Variants in EML6 observed in about 807,000 individuals in gnomAD.
EML6 encodes the protein EMAP like 6.
A neutral mutation model predicts 240.1 loss-of-function variants in EML6; 154 were observed. The ratio of observed to expected loss-of-function variants is 0.64; its 90% CI spans 0.56 to 0.73. EML6 has a LOEUF of 0.73. EML6 is among the 30% of genes least tolerant of loss of function. The probability of loss-of-function intolerance (pLI) is 0.00; values close to 1 mark genes in which losing one functional copy is unlikely to be tolerated. For synonymous variants in EML6, 1,148 were observed against 899.0 expected, an observed-to-expected ratio of 1.28 and a Z score of -4.95; for missense variants, 2,964 against 2,474.6, an observed-to-expected ratio of 1.20 and a Z score of -4.20.
chr2:54,805,939 G>A (rs769500628), intron 2 of EML6, among the ~76,000 whole-genome samples: 1 of 152,030 alleles, frequency 6.6e-6, no homozygotes, highest in Non-Finnish European at 1.5e-5. Context: ...TAACACTTTT[G>A]CTGGAAATGA....
At position 54,964,102 on chromosome 2, in the gene EML6, C is replaced by G. The variant is rs1265367792; in HGVS notation, c.5274C>G (p.Asn1758Lys). The change falls in exon 37 of 42, where the codon AAC becomes AAG. Residue 1758 changes from asparagine (N) to lysine (K), a missense_variant. Coordinates refer to ENST00000356458, the MANE Select transcript of EML6 (RefSeq NM_001039753.4). ...KNGEFVILLV[N>K]SLKVWGKKRD... ...GAGAGTTTGTCATCTTGTTGGTGAA[C>G]AGCCTGAAAGTTTGGGGGAAAAAAC... 2 of 1,551,738 alleles carry G rather than the reference C, an allele frequency of 1.3e-6. No homozygotes were observed. The highest frequency in any genetic ancestry group is 2.7e-5 in the African/African-American group (2 of 73,184).
chr2:54,883,789 T>G (rs1436826098), intron 17 of EML6, among the ~76,000 whole-genome samples: 1 of 152,194 alleles, frequency 6.6e-6, no homozygotes, highest in African/African-American at 2.4e-5. Context: ...CAAGTGTGTA[T>G]AAGAAAAATG....
At chr2:54,816,932 G>C (rs1174238995) in intron 4 of EML6, 47 bp downstream of exon 4, 2 of 1,188,548 alleles carry the variant, frequency 1.7e-6, no homozygotes, top group Non-Finnish European at 1.2e-6. Flanking sequence ...AACTTGGGGG[G>C]ACTTGTGATA....
chr2:54,906,167 C>T (rs1417204899), intron 24 of EML6, among the ~76,000 whole-genome samples: 3 of 152,224 alleles, frequency 2.0e-5, no homozygotes, highest in East Asian at 1.9e-4. Context: ...GTTCAAATCT[C>T]TCCACATCTT....
At chr2:54,912,973 A>G (rs1673720002) in intron 25 of EML6, among the ~76,000 whole-genome samples, 1 of 152,056 alleles carries the variant, frequency 6.6e-6, no homozygotes, top group South Asian at 2.1e-4. Flanking sequence ...AAGTTCTTTG[A>G]GAAATCTCCA....
rs1670997349 is a variant in EML6 at position 54,866,865 on chromosome 2, A to G, written c.2032A>G (p.Lys678Glu). 1 of 1,550,388 alleles carries G rather than the reference A, an allele frequency of 6.4e-7. No individual in the cohort carries two copies. The highest frequency in any genetic ancestry group is 1.4e-5 in the African/African-American group (1 of 73,140). ...KREKAPEDSL[K>E]LQFIHGYRGY... ...AGAAAAGGCTCCTGAGGACAGCTTG[A>G]AACTCCAGTTCATACACGGGTGGGT... The change falls in exon 14 of 42, where the codon AAA becomes GAA. Residue 678 changes from lysine to glutamate, a missense_variant. Transcript: ENST00000356458.
intron 26 of EML6, among the ~76,000 whole-genome samples, chr2:54,925,516 G>A (rs977569422): frequency 3.9e-5 from 6 of 152,252 alleles, no homozygotes; most frequent in Admixed American, 1.3e-4. Context: ...CTAAAATCAC[G>A]TCACTATCTT....
chr2:54,850,036 C>T lies in EML6; in HGVS notation c.1262C>T (p.Ser421Phe). The T allele has an allele frequency of 6.4e-7, 1 of 1,551,852 alleles. No homozygotes were observed. The highest frequency in any genetic ancestry group is 8.7e-7 in the Non-Finnish European group (1 of 1,146,966). The change falls in exon 10 of 42, where the codon TCT becomes TTT. Residue 421 changes from serine to phenylalanine, a missense_variant. Physicochemically the swap from Ser to Phe is radical, Grantham distance 155. Coordinates refer to ENST00000356458, the MANE Select transcript of EML6 (RefSeq NM_001039753.4). Reference protein sequence around the residue: ...IHEMKFSPDGSYLAVGSNDGP... With the variant: ...IHEMKFSPDGFYLAVGSNDGP... ...GAAATGAAATTTTCTCCAGATGGTT[C>T]TTACCTTGCAGTGGGATCCAATGAT...
At chr2:54,750,574 A>G (rs150903591) in intron 2 of EML6, among the ~76,000 whole-genome samples, 230 of 152,316 alleles carry the variant, frequency 1.5e-3, no homozygotes, top group African/African-American at 5.3e-3. Context: ...GTAGTATCTT[A>G]GACTCTCCCT....
intron 17 of EML6, among the ~76,000 whole-genome samples, chr2:54,883,626 C>T (rs548835976): frequency 6.6e-6 from 1 of 152,136 alleles, no homozygotes; most frequent in Non-Finnish European, 1.5e-5. Context: ...GAGGAATCAT[C>T]CAGTGTTAGG....
chr2:54,930,523 T>A (rs755894449), intron 28 of EML6, among the ~76,000 whole-genome samples: 1 of 152,174 alleles, frequency 6.6e-6, no homozygotes, highest in Non-Finnish European at 1.5e-5. Flanking sequence ...TGACTCTTTT[T>A]TTTTTTATCA....
At chr2:54,785,159 CCA>C (rs1418343246) in intron 2 of EML6, among the ~76,000 whole-genome samples, 1 of 147,792 alleles carries the variant, frequency 6.8e-6, no homozygotes, top group African/African-American at 2.5e-5. Flanking sequence ...TTCCACCCCC[CCA>C]CACACACACT....
chr2:54,759,700 A>T (rs1374239181), intron 2 of EML6, among the ~76,000 whole-genome samples: 1 of 152,104 alleles, frequency 6.6e-6, no homozygotes, highest in Non-Finnish European at 1.5e-5. Flanking sequence ...ACACATCTTC[A>T]TCACCAAGCT....
At chr2:54,831,020 C>T (rs144366062) in intron 7 of EML6, among the ~76,000 whole-genome samples, 45 of 152,156 alleles carry the variant, frequency 3.0e-4, no homozygotes, top group Non-Finnish European at 4.0e-4. Flanking sequence ...AAACTTGATC[C>T]GGAAAAAACA....
At chr2:54,888,696 G>A (rs1308712620) in intron 17 of EML6, among the ~76,000 whole-genome samples, 1 of 152,134 alleles carries the variant, frequency 6.6e-6, no homozygotes, top group Non-Finnish European at 1.5e-5. Flanking sequence ...TGATGTGGTA[G>A]TTCATTTCTT....
chr2:54,933,608 C>G (rs955558599), intron 28 of EML6, among the ~76,000 whole-genome samples: 2 of 152,044 alleles, frequency 1.3e-5, no homozygotes, highest in Non-Finnish European at 2.9e-5. Flanking sequence ...GTGGCACACG[C>G]CTGTAATCTC....
chr2:54,877,581 T>G (rs1296577132), intron 16 of EML6, among the ~76,000 whole-genome samples: 2 of 152,160 alleles, frequency 1.3e-5, no homozygotes, highest in Non-Finnish European at 2.9e-5. Flanking sequence ...AAAAGTAATG[T>G]TGGTAATGAA....
rs1670820532 is a variant in EML6 at position 54,863,902 on chromosome 2, G to T, written c.1932+13G>T. On this transcript the variant is annotated intron_variant, in intron 13 of 41. Coordinates refer to ENST00000356458, the MANE Select transcript of EML6 (RefSeq NM_001039753.4). ...TTATGATCGCCAGGTCGGTAAGCAG[G>T]GAGCAATGAAAATTTGTAACCCCAG... The T allele has an allele frequency of 6.8e-7, 1 of 1,460,566 alleles. No homozygotes were observed. Among genetic ancestry groups the T allele is most frequent in the East Asian group, 2.5e-5 (1 of 40,098 alleles). The allele number at this position is 1,460,566 out of a possible 1,614,324, so 90.5% of individuals were successfully genotyped here.
chr2:54,792,878 C>G (rs573823371), intron 2 of EML6, among the ~76,000 whole-genome samples: 1 of 152,118 alleles, frequency 6.6e-6, no homozygotes, highest in Non-Finnish European at 1.5e-5. Context: ...GTAGTAGTTA[C>G]TTCTGTCAGA....
Sources: gnomAD v4.1 joint callset for allele counts (sites outside exome capture counted in the v4.1 genomes callset) on GRCh38, gnomAD v4.1.1 for gene constraint, MANE v1.5 for transcripts, NCBI Gene and HGNC (gene_info 2026-07-23, HGNC 2026-07-21) for gene names.